Variants in CACNA1A observed in about 807,000 individuals in gnomAD.
CACNA1A encodes the protein voltage-dependent P/Q-type calcium channel subunit alpha-1A.
Under a neutral mutation model 262.4 loss-of-function variants are expected in CACNA1A, and 57 were observed. That is an observed-to-expected ratio of 0.22 (90% CI 0.18 to 0.27). The LOEUF is 0.27. Ranked by LOEUF, CACNA1A falls within the 10% of genes least tolerant of loss-of-function variation. The probability of loss-of-function intolerance (pLI) is 1.00; values close to 1 mark genes in which losing one functional copy is unlikely to be tolerated. For synonymous variants in CACNA1A, 1,431 were observed against 1,419.3 expected (o/e 1.01, Z -0.18); for missense variants, 2,526 against 3,562.8 (o/e 0.71, Z 7.41).
chr19:13,407,352 A>C lies in CACNA1A; in HGVS notation c.540-35573T>G, dbSNP rs574043957. On this transcript the variant is annotated intron_variant, in intron 3 of 46. Coordinates refer to ENST00000360228, the MANE Select transcript of CACNA1A (RefSeq NM_001127222.2). ...ATCTTCCAGATTTGCTCTTACGAGA[A>C]AATGGCGGCACCATTCAAAAACTGC... is the stretch of plus-strand genomic sequence containing the variant. Among the ~76,000 whole-genome samples the C allele has an allele frequency of 2.0e-5, 3 of 152,364 alleles. 1 individual carries two copies. The South Asian group carries it at 6.2e-4, about 32-fold the overall frequency.
intron 36 of CACNA1A, chr19:13,228,885 G>A (rs908373522): frequency 6.2e-6 from 4 of 645,838 alleles, no homozygotes; most frequent in African/African-American, 1.9e-5. Context: ...CGAGGCTGGG[G>A]TGTCCCTGGC....
chr19:13,267,862 C>G (rs1220454255), intron 24 of CACNA1A, among the ~76,000 whole-genome samples: 1 of 151,810 alleles, frequency 6.6e-6, no homozygotes, highest in Non-Finnish European at 1.5e-5. Context: ...CTCACTGTAG[C>G]CTCAACCTCC....
At position 13,505,692 on chromosome 19, in the gene CACNA1A, TC is replaced by T. The variant is rs540684555; in HGVS notation, c.293+239del. Among the ~76,000 whole-genome samples, 95 of 150,938 alleles carry T rather than the reference TC, an allele frequency of 6.3e-4. 3 individuals are homozygous for T. The South Asian group carries it at 0.019, about 31-fold the overall frequency. ...GTCGGTCCTTGGGAAGGATCCACTC[TC>T]CGCTGCCCACCCCCCAGCCCCCCAC... is the stretch of plus-strand genomic sequence containing the variant. On this transcript the variant is annotated intron_variant, in intron 1 of 46. Transcript: ENST00000360228.
chr19:13,421,105 A>G (rs922440484), intron 3 of CACNA1A, among the ~76,000 whole-genome samples: 1 of 152,160 alleles, frequency 6.6e-6, no homozygotes, highest in Non-Finnish European at 1.5e-5. Context: ...TTAAGTTTTG[A>G]TTGTGCAAAT....
chr19:13,475,968 T>C (rs1978479753), intron 1 of CACNA1A, among the ~76,000 whole-genome samples: 1 of 152,046 alleles, frequency 6.6e-6, no homozygotes, highest in Non-Finnish European at 1.5e-5. Context: ...AGTGCAGGGG[T>C]TTATATGAGG....
In CACNA1A at chr19:13,396,126, A is replaced by AT. The variant is rs570029780; in HGVS notation, c.540-24348dup. On this transcript the variant is annotated intron_variant, in intron 3 of 46. Transcript: ENST00000360228. ...TCCAATTAATATGCCTTGTGAGTTG[A>AT]TTTTTTTCAGTGAACCTTCAGAGGG... Among the ~76,000 whole-genome samples the AT allele has an allele frequency of 7.2e-5, 11 of 152,264 alleles. No individual in the cohort carries two copies. The East Asian group carries it at 1.7e-3, about 24-fold the overall frequency.
intron 3 of CACNA1A, among the ~76,000 whole-genome samples, chr19:13,411,488 A>G (rs1408485237): frequency 1.3e-5 from 2 of 152,138 alleles, no homozygotes; most frequent in East Asian, 1.9e-4. Context: ...CATGTAAGAC[A>G]TGCCTTTACT....
chr19:13,298,768 A>C lies in CACNA1A; in HGVS notation c.2865T>G (p.His955Gln), dbSNP rs1309556109. ...GCCTGCGGTGCGCGCGATGACGTCG[A>C]TGCTCCCCGTCCGCGCCCGTGCGCG... ...GSPRTGADGE[H>Q]RRHRAHRRPG... The change falls in exon 19 of 47, where the codon CAT (histidine) becomes CAG (glutamine). Residue 955 changes from histidine to glutamine, a missense_variant. By Grantham distance (24) the His-to-Gln change is conservative. This residue lies in a region of CACNA1A where 765 missense variants were observed against 748.6 expected (regional missense o/e 1.02). Transcript: ENST00000360228. The C allele has an allele frequency of 6.6e-7, 1 of 1,521,842 alleles. No homozygotes were observed. Among genetic ancestry groups the C allele is most frequent in the Admixed American group, 2.0e-5 (1 of 49,444 alleles). 94.3% of individuals were successfully genotyped at this position (1,521,842 alleles called of 1,614,324 possible).
intron 3 of CACNA1A, among the ~76,000 whole-genome samples, chr19:13,449,642 G>A (rs907966098): frequency 6.6e-6 from 1 of 152,158 alleles, no homozygotes; most frequent in Non-Finnish European, 1.5e-5. Flanking sequence ...TGTAGTCAAA[G>A]TGTAAACTAT....
rs751451365 is a variant in CACNA1A, at chr19:13,207,862, CTG to C, written c.6970_6971del (p.Gln2324AlafsTer178). ...QQQQQQQQQQ[Q>X]QAVARPGRAA... ...CCCGGCCCGGCCTGGCCACCGCCTGCTGCTGCTGCTGCTGCTGCTGCTGCTGC... is the reference window on the plus strand; with the variant it reads ...CCCGGCCCGGCCTGGCCACCGCCTGCCTGCTGCTGCTGCTGCTGCTGCTGC... On this transcript the variant is annotated frameshift_variant, in exon 47 of 47. Transcript: ENST00000360228. LOFTEE classifies it low-confidence loss of function (END_TRUNC). The surrounding 1 kb of genome is among the most constrained non-coding windows in gnomAD (Gnocchi z 5.7). 30 of 294,248 alleles carry C rather than the reference CTG, an allele frequency of 1.0e-4. 1 individual carries two copies. In the South Asian group the frequency reaches 2.2e-3, roughly 22 times the overall value. 18.2% of individuals were successfully genotyped at this position (294,248 alleles called of 1,614,324 possible).
At chr19:13,398,961 C>T (rs2059853580) in intron 3 of CACNA1A, among the ~76,000 whole-genome samples, 1 of 152,150 alleles carries the variant, frequency 6.6e-6, no homozygotes, top group African/African-American at 2.4e-5. Flanking sequence ...AGCCAAAGAC[C>T]AGCTCAGGAA....
At chr19:13,227,093 A>T (rs1265583931) in intron 37 of CACNA1A, 2 of 164,878 alleles carry the variant, frequency 1.2e-5, no homozygotes, top group African/African-American at 2.4e-5. Flanking sequence ...TGACTCCCTG[A>T]AGAAGCGTGT....
chr19:13,400,168 C>T (rs1030696283), intron 3 of CACNA1A, among the ~76,000 whole-genome samples: 1 of 152,182 alleles, frequency 6.6e-6, no homozygotes, highest in Non-Finnish European at 1.5e-5. Flanking sequence ...ATGGTCCTCA[C>T]TGAGCACTGG....
At chr19:13,465,077 C>T (rs571130004) in intron 1 of CACNA1A, among the ~76,000 whole-genome samples, 109 of 151,904 alleles carry the variant, frequency 7.2e-4, no homozygotes, top group Non-Finnish European at 1.3e-3. Context: ...TACAGGCGTG[C>T]AGCACCATAC....
chr19:13,375,600 C>A (rs539406282), intron 3 of CACNA1A, among the ~76,000 whole-genome samples: 30 of 152,096 alleles, frequency 2.0e-4, no homozygotes, highest in Middle Eastern at 6.8e-3. Flanking sequence ...CTAGCTTGGG[C>A]AAAATAGGGA....
intron 37 of CACNA1A, 50 bp downstream of exon 37, chr19:13,227,381 G>GA (rs761725528): frequency 7.2e-4 from 414 of 572,670 alleles, no homozygotes; most frequent in South Asian, 1.5e-3. Context: ...AGAAGAAGAA[G>GA]AAAAAAAAAC....
At chr19:13,348,597 G>A (rs1486700696) in intron 6 of CACNA1A, among the ~76,000 whole-genome samples, 1 of 152,188 alleles carries the variant, frequency 6.6e-6, no homozygotes, top group African/African-American at 2.4e-5. Flanking sequence ...CGGCACTTTG[G>A]GAGGCCAAGG....
chr19:13,452,694 T>A (rs2060937424), intron 3 of CACNA1A, 182 bp downstream of exon 3: 4 of 552,272 alleles, frequency 7.2e-6, no homozygotes, highest in East Asian at 2.8e-5. Flanking sequence ...ACAGAAAGCA[T>A]CTGCTGTAAT....
chr19:13,345,667 A>C (rs1218599974), intron 6 of CACNA1A, among the ~76,000 whole-genome samples: 1 of 152,200 alleles, frequency 6.6e-6, no homozygotes, highest in East Asian at 1.9e-4. Flanking sequence ...AACTCAGCTC[A>C]GGAGAACACC....
Sources: gnomAD v4.1 joint callset for allele counts (sites outside exome capture counted in the v4.1 genomes callset) on GRCh38, gnomAD v4.1.1 for gene constraint, gnomAD v4.1.1 regional missense constraint, Gnocchi (gnomAD v3.1) non-coding constraint, MANE v1.5 for transcripts, NCBI Gene and HGNC (gene_info 2026-07-23, HGNC 2026-07-21) for gene names.